SLC6A16: variants seen among roughly 807,000 people sequenced by gnomAD.
SLC6A16 encodes orphan sodium- and chloride-dependent neurotransmitter transporter NTT5.
A neutral mutation model predicts 65.4 loss-of-function variants in SLC6A16; 54 were observed. The observed-to-expected ratio is 0.83, with a 90% confidence interval of 0.66 to 1.04. SLC6A16 has a LOEUF of 1.04. Among genes scored for constraint, SLC6A16 ranks in the 50% least tolerant of loss-of-function variants. The pLI is 0.00. For synonymous variants in SLC6A16, 330 were observed against 346.5 expected, an observed-to-expected ratio of 0.95 and a Z score of 0.53; for missense variants, 816 against 914.0, an observed-to-expected ratio of 0.89 and a Z score of 1.38.
chr19:49,293,791 G>C, intron 9 of SLC6A16, 36 bp downstream of exon 9: 1 of 1,577,766 alleles, frequency 6.3e-7, no homozygotes, highest in African/African-American at 1.3e-5. Flanking sequence ...TCAGGGGTCA[G>C]GGTCATTGTT....
intron 7 of SLC6A16, among the ~76,000 whole-genome samples, chr19:49,306,415 T>G (rs989235989): frequency 2.0e-5 from 3 of 151,758 alleles, no homozygotes; most frequent in African/African-American, 7.3e-5. Context: ...AATGTATATA[T>G]GAGGGAACAA....
the SLC6A16 span, chr19:49,338,105 G>A: frequency 1.9e-6 from 3 of 1,555,784 alleles, no homozygotes; most frequent in South Asian, 3.5e-5. This position sits in a 1 kb window ranked among gnomAD's most constrained non-coding sequence, Gnocchi z 5.0. Flanking sequence ...CCACCCCAAC[G>A]TGGGCCCGAC....
chr19:49,309,713 A>C lies in SLC6A16; in HGVS notation c.814T>G (p.Phe272Val). ...CCAACAAGACACCAGCAAAGAAAGA[A>C]GGGCAGGACCAGACTGTAGACTGGT... ...GSPVYSLVLP[F>V]FLCWCLVGAF... The change falls in exon 5 of 12, where the codon TTC (phenylalanine) becomes GTC (valine). Residue 272 changes from phenylalanine to valine, a missense_variant. Physicochemically the swap from Phe to Val is conservative, Grantham distance 50. Transcript: ENST00000335875. 6.2e-7 allele frequency: 1 copy of C among 1,614,118 alleles called. No individual in the cohort carries two copies. Among genetic ancestry groups the C allele is most frequent in the South Asian group, 1.1e-5 (1 of 91,078 alleles).
chr19:49,299,245 C>CA (rs768577715), intron 7 of SLC6A16, among the ~76,000 whole-genome samples: 6,003 of 84,298 alleles, frequency 0.071, 145 homozygotes, highest in Middle Eastern at 0.083. Context: ...GACTCCGTCT[C>CA]AAAAAAAAAA....
chr19:49,301,358 C>T (rs1970288580), intron 7 of SLC6A16, among the ~76,000 whole-genome samples: 1 of 152,018 alleles, frequency 6.6e-6, no homozygotes, highest in Non-Finnish European at 1.5e-5. Context: ...TCCGTGGGGA[C>T]TGGCATTGCC....
the SLC6A16 span, chr19:49,336,002 A>G: frequency 1.7e-6 from 1 of 587,272 alleles, no homozygotes; most frequent in Non-Finnish European, 3.0e-6. Context: ...TTTCTCAAGC[A>G]CTTCCTATCT....
At chr19:49,304,907 C>A (rs192553485) in intron 7 of SLC6A16, among the ~76,000 whole-genome samples, 1 of 152,288 alleles carries the variant, frequency 6.6e-6, no homozygotes. Context: ...AACTTCCATA[C>A]ACACATTTCA....
At chr19:49,338,251 G>C in the SLC6A16 span, 1 of 1,351,274 alleles carries the variant, frequency 7.4e-7, no homozygotes, top group Non-Finnish European at 9.7e-7. This position sits in a 1 kb window ranked among gnomAD's most constrained non-coding sequence, Gnocchi z 5.0. Flanking sequence ...CATCTACCTC[G>C]AGAGACTCCG....
At chr19:49,313,069 T>C (rs1406752147) in intron 1 of SLC6A16, among the ~76,000 whole-genome samples, 34 of 69,624 alleles carry the variant, frequency 4.9e-4, no homozygotes, top group Admixed American at 4.5e-3. Context: ...GGCAACCCTG[T>C]CTCAAAAAAA....
the SLC6A16 span, chr19:49,336,792 T>A: frequency 2.8e-6 from 3 of 1,073,712 alleles, no homozygotes; most frequent in Non-Finnish European, 4.1e-6. Context: ...AGGGACAGAG[T>A]CCCAGAGAGA....
chr19:49,311,914 C>T (rs1970530880), intron 1 of SLC6A16, among the ~76,000 whole-genome samples: 1 of 151,266 alleles, frequency 6.6e-6, no homozygotes, highest in South Asian at 2.1e-4. Flanking sequence ...ACAGACATAC[C>T]CAAGAGTCAG....
the SLC6A16 span, chr19:49,336,597 T>C: frequency 3.4e-6 from 1 of 293,044 alleles, no homozygotes; most frequent in Non-Finnish European, 6.5e-6. Context: ...CTCCTATGCC[T>C]CAGGGAGGTT....
At chr19:49,322,469 C>T (rs751821703) in intron 1 of SLC6A16, among the ~76,000 whole-genome samples, 2 of 151,756 alleles carry the variant, frequency 1.3e-5, no homozygotes, top group African/African-American at 2.4e-5. Context: ...GGAGAAAACC[C>T]GTTTCCATTA....
At chr19:49,314,617 C>A (rs919096771) in intron 1 of SLC6A16, among the ~76,000 whole-genome samples, 1 of 151,912 alleles carries the variant, frequency 6.6e-6, no homozygotes, top group Non-Finnish European at 1.5e-5. Context: ...ATATTCCCCC[C>A]AAAAAAACCC....
chr19:49,311,768 G>A (rs1970527559), intron 1 of SLC6A16, among the ~76,000 whole-genome samples: 1 of 150,130 alleles, frequency 6.7e-6, no homozygotes, highest in African/African-American at 2.5e-5. Context: ...AGAATCGCTT[G>A]AACCCAGGAG....
intron 7 of SLC6A16, among the ~76,000 whole-genome samples, chr19:49,301,839 A>T (rs1600622276): frequency 6.6e-6 from 1 of 152,060 alleles, no homozygotes; most frequent in Non-Finnish European, 1.5e-5. Context: ...CTATGGAGTC[A>T]CCCCAGCTGC....
chr19:49,297,632 T>C (rs924752413), intron 7 of SLC6A16, among the ~76,000 whole-genome samples: 1 of 152,202 alleles, frequency 6.6e-6, no homozygotes, highest in Admixed American at 6.5e-5. Flanking sequence ...CAAGGACTTG[T>C]ACATGAACTC....
the SLC6A16 span, among the ~76,000 whole-genome samples, chr19:49,333,111 A>G: frequency 7.9e-5 from 12 of 150,960 alleles, no homozygotes; most frequent in East Asian, 2.4e-3. Context: ...GCAGTGAGCC[A>G]TAATCGTGCC....
the SLC6A16 span, chr19:49,338,913 G>A: frequency 5.0e-6 from 8 of 1,613,658 alleles, no homozygotes; most frequent in African/African-American, 8.0e-5. The surrounding 1 kb of genome is among the most constrained non-coding windows in gnomAD (Gnocchi z 5.0). Flanking sequence ...CGCTGTCCCT[G>A]CAGAGAGCCA....
Sources: allele counts gnomAD v4.1 joint callset (sites outside exome capture counted in the v4.1 genomes callset), GRCh38; gene constraint gnomAD v4.1.1; non-coding constraint Gnocchi (gnomAD v3.1); transcripts MANE v1.5; gene names NCBI Gene and HGNC (gene_info 2026-07-23, HGNC 2026-07-21).